Variants in SLC6A19 observed in about 807,000 individuals in gnomAD.
SLC6A19 encodes solute carrier family 6 member 19.
Under a neutral mutation model 68.3 loss-of-function variants are expected in SLC6A19, and 67 were observed. The ratio of observed to expected loss-of-function variants is 0.98; its 90% CI spans 0.81 to 1.20. The LOEUF is 1.20. Among genes scored for constraint, SLC6A19 ranks in the 50% most tolerant of loss-of-function variants. The probability of loss-of-function intolerance (pLI) is 0.00; values close to 1 mark genes in which losing one functional copy is unlikely to be tolerated. For synonymous variants in SLC6A19, 392 were observed against 374.9 expected, an observed-to-expected ratio of 1.05 and a Z score of -0.53; for missense variants, 813 against 851.6, an observed-to-expected ratio of 0.95 and a Z score of 0.56.
intron 1 of SLC6A19, among the ~76,000 whole-genome samples, chr5:1,205,180 C>T (rs1159784600): frequency 1.3e-5 from 2 of 152,236 alleles, no homozygotes; most frequent in Admixed American, 1.3e-4. Context: ...CCTGCAGGGC[C>T]CCACCAGGCA....
At chr5:1,203,576 G>C (rs1271820866) in intron 1 of SLC6A19, among the ~76,000 whole-genome samples, 3 of 152,238 alleles carry the variant, frequency 2.0e-5, no homozygotes, top group Non-Finnish European at 2.9e-5. Flanking sequence ...TGGCCCTTCG[G>C]CTGGGCCACC....
At chr5:1,218,773 A>G in intron 8 of SLC6A19, 130 bp from the exon 9 acceptor site, 1 of 848,730 alleles carries the variant, frequency 1.2e-6, no homozygotes, top group Non-Finnish European at 1.9e-6. Context: ...GACAAGATCT[A>G]GCTATTTCAT....
intron 1 of SLC6A19, 82 bp downstream of exon 1, chr5:1,201,934 C>G: frequency 6.7e-7 from 1 of 1,490,718 alleles, no homozygotes; most frequent in Admixed American, 2.0e-5. Flanking sequence ...CAGACATCCT[C>G]CCCGGACCCT....
chr5:1,212,613 A>C lies in SLC6A19; in HGVS notation c.663+129A>C. The C allele has an allele frequency of 8.3e-7, 1 of 1,202,100 alleles. No homozygotes were observed. Among genetic ancestry groups the C allele is most frequent in the Middle Eastern group, 2.8e-4 (1 of 3,612 alleles). The allele number at this position is 1,202,100 out of a possible 1,614,324, so 74.5% of individuals were successfully genotyped here. Reference sequence around the variant, plus strand: ...GCTCTGCCTTTCCCCAGACCCCACCAAGAGAGCTGCCTTTGCCCTTAGGCT... The same window carrying C: ...GCTCTGCCTTTCCCCAGACCCCACCCAGAGAGCTGCCTTTGCCCTTAGGCT... On this transcript the variant is annotated intron_variant, in intron 4 of 11. Transcript: ENST00000304460. This position sits in a 1 kb window ranked among gnomAD's most constrained non-coding sequence, Gnocchi z 5.1.
At position 1,219,500 on chromosome 5, in the gene SLC6A19, T is replaced by G. The variant is rs1431149527; in HGVS notation, c.1379-5T>G. The G allele has an allele frequency of 6.2e-7, 1 of 1,610,734 alleles. No individual in the cohort carries two copies. The highest frequency in any genetic ancestry group is 1.1e-5 in the South Asian group (1 of 91,082). On this transcript the variant is annotated splice_region_variant and splice_polypyrimidine_tract_variant and intron_variant, in intron 9 of 11. Coordinates refer to ENST00000304460, the MANE Select transcript of SLC6A19 (RefSeq NM_001003841.3). ...GTGTGAGCAGCTCTGTCCCCCGGCC[T>G]GCAGGCCTCATCTGCCTGGGGACAT...
intron 8 of SLC6A19, 26 bp from the exon 9 acceptor site, chr5:1,218,877 C>A (rs1342537966): frequency 6.2e-7 from 1 of 1,609,136 alleles, no homozygotes; most frequent in African/African-American, 1.3e-5. Flanking sequence ...GGCAGAGGCC[C>A]TGGTGACTGT....
In SLC6A19 at chr5:1,218,895, C is replaced by A. The variant is rs749701217; in HGVS notation, c.1174-8C>A. ...AGAGGCCCTGGTGACTGTGTGTCATCCGTGCAGGCCGTGGAGGGCACAGGC... is the reference window on the plus strand; with the variant it reads ...AGAGGCCCTGGTGACTGTGTGTCATACGTGCAGGCCGTGGAGGGCACAGGC... On this transcript the variant is annotated splice_polypyrimidine_tract_variant and splice_region_variant and intron_variant, in intron 8 of 11. Transcript: ENST00000304460. 3 of 1,612,200 alleles carry A rather than the reference C, an allele frequency of 1.9e-6. No homozygotes were observed. The South Asian group carries it at 3.3e-5, about 18-fold the overall frequency.
At position 1,216,584 on chromosome 5, in the gene SLC6A19, T is replaced by C; in HGVS notation, c.914T>C (p.Ile305Thr). Residue 305 changes from isoleucine (I) to threonine (T), a missense_variant, in exon 7 of 12, where the codon ATT becomes ACT. By Grantham distance (89) the Ile-to-Thr change is moderately conservative (BLOSUM62 -1). Coordinates refer to ENST00000304460, the MANE Select transcript of SLC6A19 (RefSeq NM_001003841.3). ...VHNNCEKDSV[I>T]VSIINGFTSV... ...AACAACTGCGAGAAGGACTCGGTGATTGTGTCCATCATCAACGGCTTCACA... is the reference window on the plus strand; with the variant it reads ...AACAACTGCGAGAAGGACTCGGTGACTGTGTCCATCATCAACGGCTTCACA... The C allele has an allele frequency of 6.2e-7, 1 of 1,614,146 alleles. No homozygotes were observed. Among genetic ancestry groups the C allele is most frequent in the East Asian group, 2.2e-5 (1 of 44,878 alleles).
chr5:1,217,012 C>T, intron 8 of SLC6A19, 67 bp downstream of exon 8: 2 of 1,605,800 alleles, frequency 1.2e-6, no homozygotes, highest in Non-Finnish European at 1.7e-6. Context: ...AGTCCGGCCA[C>T]CCCTGGGCCC....
At chr5:1,203,526 A>C (rs970718216) in intron 1 of SLC6A19, among the ~76,000 whole-genome samples, 5 of 152,156 alleles carry the variant, frequency 3.3e-5, no homozygotes, top group African/African-American at 1.2e-4. Context: ...GGACACCAGC[A>C]GGCCCTTCTC....
chr5:1,214,525 T>C lies in SLC6A19; in HGVS notation c.887+460T>C, dbSNP rs1385109670. On this transcript the variant is annotated intron_variant, in intron 6 of 11. Coordinates refer to ENST00000304460, the MANE Select transcript of SLC6A19 (RefSeq NM_001003841.3). This position sits in a 1 kb window ranked among gnomAD's most constrained non-coding sequence, Gnocchi z 7.4. ...ATGCCCCTGGGAAGGATGCATACCC[T>C]GGAGTCCCCAGCAGCGTCTGGGAGG... Among the ~76,000 whole-genome samples the C allele has an allele frequency of 2.6e-5, 4 of 152,146 alleles. No individual in the cohort carries two copies. The highest frequency in any genetic ancestry group is 1.5e-5 in the Non-Finnish European group (1 of 68,018).
At position 1,222,656 on chromosome 5, in the gene SLC6A19, TG is replaced by T. The variant is rs1284365653; in HGVS notation, c.*753del. 1.8e-5 allele frequency: 4 copies of T among 226,700 alleles called. No individual in the cohort carries two copies. Among genetic ancestry groups the T allele is most frequent in the African/African-American group, 6.8e-5 (3 of 44,114 alleles). The allele number at this position is 226,700 out of a possible 1,614,324, so 14.0% of individuals were successfully genotyped here. Reference sequence around the variant, plus strand: ...ATTTGTGCATGCCAGTGTGTATGTATGTGCGCATATGGACACGCATGGACAC... The same window carrying T: ...ATTTGTGCATGCCAGTGTGTATGTATTGCGCATATGGACACGCATGGACAC... On this transcript the variant is annotated 3_prime_UTR_variant, in exon 12 of 12. Coordinates refer to ENST00000304460, the MANE Select transcript of SLC6A19 (RefSeq NM_001003841.3).
chr5:1,214,059 C>T lies in SLC6A19; in HGVS notation c.881C>T (p.Ser294Phe). The change falls in exon 6 of 12, where the codon TCT (serine) becomes TTT (phenylalanine). Residue 294 changes from serine (S) to phenylalanine (F), a missense_variant. Transcript: ENST00000304460. The surrounding 1 kb of genome is among the most constrained non-coding windows in gnomAD (Gnocchi z 7.4). ...CTCATCTCCTTCTCCAGCTACAACTCTGTGCAGTGAGTGCGGGTGTGGTGG... is the reference window on the plus strand; with the variant it reads ...CTCATCTCCTTCTCCAGCTACAACTTTGTGCAGTGAGTGCGGGTGTGGTGG... ...GGLISFSSYNSVHNNCEKDSV... is the reference protein window; with the variant it reads ...GGLISFSSYNFVHNNCEKDSV... The T allele has an allele frequency of 1.2e-6, 2 of 1,613,870 alleles. No individual in the cohort carries two copies. The highest frequency in any genetic ancestry group is 1.7e-6 in the Non-Finnish European group (2 of 1,180,004).
In SLC6A19 at chr5:1,209,321, A is replaced by G. The variant is rs79784189; in HGVS notation, c.343+435A>G. On this transcript the variant is annotated intron_variant, in intron 2 of 11. Coordinates refer to ENST00000304460, the MANE Select transcript of SLC6A19 (RefSeq NM_001003841.3). This position sits in a 1 kb window ranked among gnomAD's most constrained non-coding sequence, Gnocchi z 5.5. Reference sequence around the variant, plus strand: ...TTTATAAGCTCTGGGGCCCAGGAGCAGACCCAGTGCAGCCTCACCAAGAGG... The same window carrying G: ...TTTATAAGCTCTGGGGCCCAGGAGCGGACCCAGTGCAGCCTCACCAAGAGG... Among the ~76,000 whole-genome samples the G allele has an allele frequency of 0.13, 19,532 of 152,238 alleles. 1,565 individuals carry two copies. The highest frequency in any genetic ancestry group is 0.25 in the Middle Eastern group (73 of 294).
At position 1,215,470 on chromosome 5, in the gene SLC6A19, G is replaced by C. The variant is rs1441823848; in HGVS notation, c.888-1088G>C. On this transcript the variant is annotated intron_variant, in intron 6 of 11. Coordinates refer to ENST00000304460, the MANE Select transcript of SLC6A19 (RefSeq NM_001003841.3). The surrounding 1 kb of genome is among the most constrained non-coding windows in gnomAD (Gnocchi z 5.1). Reference sequence around the variant, plus strand: ...CTCTCTGCCTCTGTGGCTGTGCCTAGTCCGGACATTTCCTGCGAATGGGGT... The same window carrying C: ...CTCTCTGCCTCTGTGGCTGTGCCTACTCCGGACATTTCCTGCGAATGGGGT... Among the ~76,000 whole-genome samples, 1 of 152,232 alleles carries C rather than the reference G, an allele frequency of 6.6e-6. No homozygotes were observed. Among genetic ancestry groups the C allele is most frequent in the Non-Finnish European group, 1.5e-5 (1 of 68,040 alleles).
chr5:1,211,855 G>T (rs1041849907), intron 3 of SLC6A19, among the ~76,000 whole-genome samples: 6 of 146,918 alleles, frequency 4.1e-5, no homozygotes, highest in Non-Finnish European at 8.9e-5. Flanking sequence ...GTGTGCAGGT[G>T]CATGGACCAG....
chr5:1,204,550 C>T lies in SLC6A19; in HGVS notation c.202+2698C>T, dbSNP rs532134146. ...TCCCCACGGCAGGGCCCCGCAGTGC[C>T]GGTGGCGCAGGCGGAGACGCATTCA... On this transcript the variant is annotated intron_variant, in intron 1 of 11. Coordinates refer to ENST00000304460, the MANE Select transcript of SLC6A19 (RefSeq NM_001003841.3). 5.9e-5 allele frequency among the ~76,000 whole-genome samples: 9 copies of T among 152,354 alleles called. No homozygotes were observed. The South Asian group carries it at 1.0e-3, about 18-fold the overall frequency.
intron 1 of SLC6A19, among the ~76,000 whole-genome samples, chr5:1,206,284 CTCTCTCTGTTTCTGTCTGTGTGTGTG>C (rs72321320): frequency 0.044 from 6,712 of 152,128 alleles, 536 homozygotes; most frequent in African/African-American, 0.15. Context: ...TCTCCTCTGT[CTCTCTCTGTTTCTGTCTGTGTGTGTG>C]TCTCTCTGTC....
At position 1,216,526 on chromosome 5, in the gene SLC6A19, G is replaced by A. The variant is rs368956677; in HGVS notation, c.888-32G>A. The A allele has an allele frequency of 7.2e-5, 116 of 1,613,442 alleles. 1 individual carries two copies. The East Asian group carries it at 9.4e-4, about 13-fold the overall frequency. Reference sequence around the variant, plus strand: ...CTGTGTCCTGACCTGGGACCTCATCGCCAGCCGCCATGACACTGGTCTCGT... The same window carrying A: ...CTGTGTCCTGACCTGGGACCTCATCACCAGCCGCCATGACACTGGTCTCGT... On this transcript the variant is annotated intron_variant, in intron 6 of 11. Transcript: ENST00000304460.
Sources: allele counts gnomAD v4.1 joint callset (sites outside exome capture counted in the v4.1 genomes callset), GRCh38; gene constraint gnomAD v4.1.1; non-coding constraint Gnocchi (gnomAD v3.1); transcripts MANE v1.5; gene names NCBI Gene and HGNC (gene_info 2026-07-23, HGNC 2026-07-21).